BCKDHA: variants seen among roughly 807,000 people sequenced by gnomAD.
The protein encoded by BCKDHA is branched chain keto acid dehydrogenase E1 subunit alpha, also known as 2-oxoisovalerate dehydrogenase subunit alpha, mitochondrial.
In BCKDHA, 43 loss-of-function variants were observed where a neutral mutation model predicts 52.2. The ratio of observed to expected loss-of-function variants is 0.82; its 90% CI spans 0.64 to 1.06. The LOEUF (loss-of-function observed/expected upper bound fraction) is 1.06. Among genes scored for constraint, BCKDHA ranks in the 50% least tolerant of loss-of-function variants. The pLI is 0.00. For synonymous variants in BCKDHA, 234 were observed against 247.9 expected, an observed-to-expected ratio of 0.94 and a Z score of 0.53; for missense variants, 527 against 621.3, an observed-to-expected ratio of 0.85 and a Z score of 1.61.
intron 8 of BCKDHA, among the ~76,000 whole-genome samples, chr19:41,423,687 C>T (rs1788142947): frequency 6.6e-6 from 1 of 152,200 alleles, no homozygotes; most frequent in Non-Finnish European, 1.5e-5. Flanking sequence ...CAAAAATTAG[C>T]CGGGCATGGT....
Position 41,410,511 on chromosome 19 carries a change from C to G in BCKDHA, c.109-126C>G. On this transcript the variant is annotated intron_variant, in intron 1 of 8. Transcript: ENST00000269980. ...GAGTTGGGGCTCAGACCCTGTGAGT[C>G]AGGCCCCAGAGTTCACTGGGGCCAC... is the stretch of plus-strand genomic sequence containing the variant. The G allele has an allele frequency of 2.9e-6, 3 of 1,044,168 alleles. No homozygotes were observed. The Admixed American group carries it at 6.2e-5, about 22-fold the overall frequency. The allele number at this position is 1,044,168 out of a possible 1,614,324, so 64.7% of individuals were successfully genotyped here.
Position 41,423,064 on chromosome 19 carries a change from G to C in BCKDHA, c.1062G>C (p.Trp354Cys). Residue 354 changes from tryptophan to cysteine, a missense_variant, in exon 8 of 9, where the codon TGG (tryptophan) becomes TGC (cysteine). Coordinates refer to ENST00000269980, the MANE Select transcript of BCKDHA (RefSeq NM_000709.4). ...GCTCGGTGGATGAGGTCAATTACTG[G>C]GATAAACAGGACCACCCCATCTCCC... Reference protein sequence around the residue: ...AYRSVDEVNYWDKQDHPISRL... With the variant: ...AYRSVDEVNYCDKQDHPISRL... The C allele has an allele frequency of 6.3e-7, 1 of 1,595,222 alleles. No homozygotes were observed. Among genetic ancestry groups the C allele is most frequent in the Non-Finnish European group, 8.5e-7 (1 of 1,170,768 alleles).
chr19:41,410,895 C>T (rs772698478), intron 2 of BCKDHA, 28 bp from the exon 3 acceptor site: 3 of 1,613,948 alleles, frequency 1.9e-6, no homozygotes, highest in South Asian at 2.2e-5. Flanking sequence ...CCCAACTGCC[C>T]CACGTCTATC....
rs1228179148 is a variant in BCKDHA, at chr19:41,412,396, TTTAC to T, written c.375+1390_375+1393del. On this transcript the variant is annotated intron_variant, in intron 3 of 8. Transcript: ENST00000269980. ...TAGATATTTCTTTTTTTTTTTTTTT[TTTAC>T]TTTTGAGATGGAGTTTTGCTCTTGT... 5.0e-5 allele frequency among the ~76,000 whole-genome samples: 7 copies of T among 140,838 alleles called. 1 individual carries two copies. The highest frequency in any genetic ancestry group is 1.8e-4 in the African/African-American group (7 of 38,230). The allele number at this position is 140,838 out of a possible 152,430, so 92.4% of individuals were successfully genotyped here.
intron 1 of BCKDHA, among the ~76,000 whole-genome samples, chr19:41,407,295 A>G (rs561827517): frequency 6.6e-6 from 1 of 152,288 alleles, no homozygotes; most frequent in East Asian, 1.9e-4. Flanking sequence ...GTTTTTGCAG[A>G]GAGCCACACA....
At chr19:41,416,678 G>C (rs1044601221) in intron 4 of BCKDHA, among the ~76,000 whole-genome samples, 1 of 152,148 alleles carries the variant, frequency 6.6e-6, no homozygotes, top group African/African-American at 2.4e-5. Context: ...CCAGCACTTC[G>C]GGAGGCTGAG....
At position 41,404,138 on chromosome 19, in the gene BCKDHA, C is replaced by A. The variant is rs140295099; in HGVS notation, c.108+6203C>A. Reference sequence around the variant, plus strand: ...GGGACTACAGACATGCACCACCATGCCTGGCTAATTTTTGTGTCTTTAGTA... The same window carrying A: ...GGGACTACAGACATGCACCACCATGACTGGCTAATTTTTGTGTCTTTAGTA... On this transcript the variant is annotated intron_variant, in intron 1 of 8. Coordinates refer to ENST00000269980, the MANE Select transcript of BCKDHA (RefSeq NM_000709.4). 3.2e-4 allele frequency among the ~76,000 whole-genome samples: 49 copies of A among 151,998 alleles called. No homozygotes were observed. The East Asian group carries it at 8.5e-3, about 26-fold the overall frequency.
intron 4 of BCKDHA, among the ~76,000 whole-genome samples, chr19:41,416,498 CTT>C (rs922425029): frequency 2.6e-5 from 4 of 152,234 alleles, no homozygotes; most frequent in Non-Finnish European, 4.4e-5. Flanking sequence ...GGAGCCGAGT[CTT>C]TTTATGGCAG....
chr19:41,421,614 GTGGGTGGGGGTGCAGATGGTGCAGGT>G (rs1465200510), intron 5 of BCKDHA, among the ~76,000 whole-genome samples: 1 of 138,722 alleles, frequency 7.2e-6, no homozygotes, highest in African/African-American at 2.9e-5. Flanking sequence ...CCAGGAGGTG[GTGGGTGGGGGTGCAGATGGTGCAGGT>G]TGGGTGGGGC....
rs150177278 is a variant in BCKDHA, at chr19:41,410,653, A to G, written c.125A>G (p.Gln42Arg). The G allele has an allele frequency of 3.5e-5, 57 of 1,614,224 alleles. No individual in the cohort carries two copies. The African/African-American group carries it at 5.6e-4, about 16-fold the overall frequency. Residue 42 changes from glutamine to arginine, a missense_variant, in exon 2 of 9, where the codon CAG becomes CGG. Transcript: ENST00000269980. ...CTTCCCCAGCACCCCCCCAGGCAGC[A>G]GCAGCAGTTTTCATCTCTGGATGAC... ...GLARSHPPRQ[Q>R]QQFSSLDDKP...
intron 1 of BCKDHA, among the ~76,000 whole-genome samples, chr19:41,406,213 C>T (rs1243273524): frequency 3.3e-5 from 5 of 152,086 alleles, no homozygotes; most frequent in Admixed American, 1.3e-4. Flanking sequence ...ACTGGGGTGC[C>T]GTGAAGATAG....
intron 1 of BCKDHA, among the ~76,000 whole-genome samples, chr19:41,404,701 C>A (rs1028376576): frequency 4.6e-5 from 7 of 152,106 alleles, no homozygotes; most frequent in Non-Finnish European, 8.8e-5. Context: ...TCAAGCGATT[C>A]TCCTGCCTCA....
At chr19:41,408,344 G>A (rs994523421) in intron 1 of BCKDHA, among the ~76,000 whole-genome samples, 1 of 151,530 alleles carries the variant, frequency 6.6e-6, no homozygotes, top group Non-Finnish European at 1.5e-5. Flanking sequence ...CTACTCAAGG[G>A]CAATGGCAGA....
chr19:41,407,469 C>A (rs2039205752), intron 1 of BCKDHA, among the ~76,000 whole-genome samples: 1 of 152,114 alleles, frequency 6.6e-6, no homozygotes, highest in Admixed American at 6.6e-5. Flanking sequence ...GGGAGACAGA[C>A]ACGAAACAAA....
rs551065260 is a variant in BCKDHA, at chr19:41,413,255, C to T, written c.376-794C>T. ...TATCCAGAAAGCAAAAGCAGACTTC[C>T]ACCAAAATATCTGGCTAAAACTGTG... On this transcript the variant is annotated intron_variant, in intron 3 of 8. Transcript: ENST00000269980. Among the ~76,000 whole-genome samples, 15 of 152,302 alleles carry T rather than the reference C, an allele frequency of 9.8e-5. 1 individual carries two copies. In the South Asian group the frequency reaches 3.1e-3, roughly 32 times the overall value.
intron 1 of BCKDHA, 64 bp downstream of exon 1, chr19:41,397,999 A>T: frequency 7.2e-7 from 1 of 1,385,364 alleles, no homozygotes; most frequent in Non-Finnish European, 1.0e-6. Flanking sequence ...CTATCTTCAG[A>T]GTGTGGGGTC....
intron 5 of BCKDHA, among the ~76,000 whole-genome samples, chr19:41,420,761 CA>C (rs758479406): frequency 6.6e-6 from 1 of 152,166 alleles, no homozygotes; most frequent in Non-Finnish European, 1.5e-5. Context: ...TAAGCTTCCC[CA>C]AAGCTTACCG....
In BCKDHA at chr19:41,412,380, C is replaced by CTTTTTTTTTT. The variant is rs530972813; in HGVS notation, c.375+1380_375+1389dup. On this transcript the variant is annotated intron_variant, in intron 3 of 8. Coordinates refer to ENST00000269980, the MANE Select transcript of BCKDHA (RefSeq NM_000709.4). Reference sequence around the variant, plus strand: ...TCATTCCCTCTGTCTGTAGATATTTCTTTTTTTTTTTTTTTTTTACTTTTG... The same window carrying CTTTTTTTTTT: ...TCATTCCCTCTGTCTGTAGATATTTCTTTTTTTTTTTTTTTTTTTTTTTTTTTTACTTTTG... 2.4e-4 allele frequency among the ~76,000 whole-genome samples: 16 copies of CTTTTTTTTTT among 65,858 alleles called. 2 individuals are homozygous for CTTTTTTTTTT. Among genetic ancestry groups the CTTTTTTTTTT allele is most frequent in the Non-Finnish European group, 4.0e-4 (13 of 32,594 alleles). 43.2% of individuals were successfully genotyped at this position (65,858 alleles called of 152,430 possible).
In BCKDHA at chr19:41,422,336, G is replaced by T. The variant is rs201991385; in HGVS notation, c.819G>T (p.Thr273=). 8.1e-6 allele frequency: 13 copies of T among 1,614,046 alleles called. No homozygotes were observed. In the Admixed American group the frequency reaches 1.3e-4, roughly 17 times the overall value. The stretch of plus-strand genomic sequence containing the variant: ...GGAACAATGGCTACGCCATCTCCAC[G>T]CCCACCTCTGAGCAGTATCGCGGCG... ...FCRNNGYAIS[T]PTSEQYRGDG... The change falls in exon 6 of 9, where the codon ACG becomes ACT. Residue 273 remains threonine, a synonymous_variant. Coordinates refer to ENST00000269980, the MANE Select transcript of BCKDHA (RefSeq NM_000709.4).
Sources: gnomAD v4.1 joint callset for allele counts (sites outside exome capture counted in the v4.1 genomes callset) on GRCh38, gnomAD v4.1.1 for gene constraint, MANE v1.5 for transcripts, NCBI Gene and HGNC (gene_info 2026-07-23, HGNC 2026-07-21) for gene names.